Variants in ESR1 observed in about 807,000 individuals in gnomAD.
ESR1 encodes estrogen receptor 1.
In ESR1, 12 loss-of-function variants were observed where a neutral mutation model predicts 52.7. That is an observed-to-expected ratio of 0.23 (90% CI 0.15 to 0.37). ESR1 has a LOEUF of 0.37. Ranked by LOEUF, ESR1 falls within the 10% of genes least tolerant of loss-of-function variation. The pLI, the probability that ESR1 is intolerant of heterozygous loss-of-function variation, is 1.00. For missense variants in ESR1, 584 were observed against 779.7 expected, an observed-to-expected ratio of 0.75 and a Z score of 2.99; for synonymous variants, 305 against 316.8, an observed-to-expected ratio of 0.96 and a Z score of 0.39.
chr6:151,863,220 A>G (rs1789215903), intron 2 of ESR1, among the ~76,000 whole-genome samples: 1 of 152,252 alleles, frequency 6.6e-6, no homozygotes, highest in South Asian at 2.1e-4. Flanking sequence ...TTGAATCTAT[A>G]AATTACCTTG....
intron 2 of ESR1, among the ~76,000 whole-genome samples, chr6:151,783,273 C>T (rs1182556666): frequency 2.0e-5 from 3 of 152,202 alleles, no homozygotes; most frequent in Non-Finnish European, 4.4e-5. Flanking sequence ...GGATCAGCAC[C>T]AGCCCTGTGT....
intron 4 of ESR1, among the ~76,000 whole-genome samples, chr6:151,967,352 A>G (rs1392770911): frequency 2.0e-5 from 3 of 152,070 alleles, no homozygotes; most frequent in Non-Finnish European, 4.4e-5. Context: ...ACCCCTTGAC[A>G]GGTCCCAGTG....
rs11296052 is a variant in ESR1, at chr6:151,831,146, CTT to C, written c.453-11438_453-11437del. Among the ~76,000 whole-genome samples, 51 of 141,684 alleles carry C rather than the reference CTT, an allele frequency of 3.6e-4. 1 individual carries two copies. Among genetic ancestry groups the C allele is most frequent in the East Asian group, 4.1e-4 (2 of 4,880 alleles). 93.0% of individuals were successfully genotyped at this position (141,684 alleles called of 152,430 possible). ...AATTGTAGACAATTTCTTTTCTTTT[CTT>C]TTTTTTTTTTTTGAGACAGGTTCTC... On this transcript the variant is annotated intron_variant, in intron 1 of 7. Transcript: ENST00000206249.
At chr6:152,086,534 AT>A (rs1203018548) in intron 6 of ESR1, among the ~76,000 whole-genome samples, 7 of 151,054 alleles carry the variant, frequency 4.6e-5, no homozygotes, top group Non-Finnish European at 8.8e-5. Context: ...CACATGTAAG[AT>A]TTTTTTCTCA....
At chr6:152,115,736 A>G (rs972846115) in intron 6 of ESR1, among the ~76,000 whole-genome samples, 2 of 152,218 alleles carry the variant, frequency 1.3e-5, no homozygotes, top group African/African-American at 4.8e-5. Context: ...CACAAAACAG[A>G]CTTCACAGAA....
At chr6:151,679,550 A>G (rs1219129098) in intron 1 of ESR1, among the ~76,000 whole-genome samples, 1 of 152,062 alleles carries the variant, frequency 6.6e-6, no homozygotes, top group Non-Finnish European at 1.5e-5. Context: ...GGGTTTCACC[A>G]TGTCGGCCAG....
At position 152,094,445 on chromosome 6, in the gene ESR1, G is replaced by A. The variant is rs570661763; in HGVS notation, c.1430G>A (p.Arg477Gln). 1.3e-5 allele frequency: 21 copies of A among 1,614,018 alleles called. No homozygotes were observed. Among genetic ancestry groups the A allele is most frequent in the African/African-American group, 1.1e-4 (8 of 74,996 alleles). ...CTGGAAGAGAAGGACCATATCCACC[G>A]AGTCCTGGACAAGATCACAGACACT... ...KSLEEKDHIH[R>Q]VLDKITDTLI... Residue 477 changes from arginine (R) to glutamine (Q), a missense_variant, in exon 7 of 8, where the codon CGA (arginine) becomes CAA (glutamine). Physicochemically the swap from Arg to Gln is conservative, Grantham distance 43. This residue lies in a region of ESR1 where 141 missense variants were observed against 289.3 expected (regional missense o/e 0.49). Transcript: ENST00000206249. This position sits in a 1 kb window ranked among gnomAD's most constrained non-coding sequence, Gnocchi z 4.6.
At chr6:151,964,267 G>A (rs941113577) in intron 4 of ESR1, among the ~76,000 whole-genome samples, 1 of 152,076 alleles carries the variant, frequency 6.6e-6, no homozygotes, top group African/African-American at 2.4e-5. Flanking sequence ...GGATAGCATA[G>A]ATTTTTTTTA....
intron 5 of ESR1, among the ~76,000 whole-genome samples, chr6:152,016,706 A>G (rs1247047949): frequency 1.3e-5 from 2 of 152,200 alleles, no homozygotes; most frequent in African/African-American, 2.4e-5. Context: ...GTCCCATCAC[A>G]TTGTACATAG....
chr6:151,765,539 C>T (rs1784982577), intron 2 of ESR1, among the ~76,000 whole-genome samples: 1 of 152,162 alleles, frequency 6.6e-6, no homozygotes, highest in South Asian at 2.1e-4. Flanking sequence ...CATGCTATTG[C>T]TATTTTTTTT....
chr6:151,899,970 C>T (rs977241038), intron 3 of ESR1, among the ~76,000 whole-genome samples: 12 of 152,128 alleles, frequency 7.9e-5, no homozygotes, highest in South Asian at 2.1e-4. Context: ...CAGGCAGAGA[C>T]GCTCCTCACT....
chr6:151,760,869 G>A (rs1784609751), intron 2 of ESR1, among the ~76,000 whole-genome samples: 1 of 152,148 alleles, frequency 6.6e-6, no homozygotes, highest in Non-Finnish European at 1.5e-5. Flanking sequence ...ATAATGGATC[G>A]ATTAAAGTTT....
At chr6:151,795,998 A>AC (rs1004556212) in intron 2 of ESR1, among the ~76,000 whole-genome samples, 39 of 151,748 alleles carry the variant, frequency 2.6e-4, no homozygotes, top group Non-Finnish European at 4.3e-4. Context: ...AATACCAAAA[A>AC]AAAAAAACCA....
At chr6:152,082,385 A>C in intron 6 of ESR1, among the ~76,000 whole-genome samples, 1 of 152,250 alleles carries the variant, frequency 6.6e-6, no homozygotes, top group Non-Finnish European at 1.5e-5. Flanking sequence ...CAATAGATGC[A>C]GAAAAGGCCT....
At chr6:151,764,073 T>A (rs1326249666) in intron 2 of ESR1, among the ~76,000 whole-genome samples, 1 of 152,086 alleles carries the variant, frequency 6.6e-6, no homozygotes, top group Non-Finnish European at 1.5e-5. Flanking sequence ...CTCTCCTGTC[T>A]CTGGCTTTGC....
At chr6:151,892,245 A>G in intron 3 of ESR1, among the ~76,000 whole-genome samples, 1 of 152,214 alleles carries the variant, frequency 6.6e-6, no homozygotes, top group Non-Finnish European at 1.5e-5. Flanking sequence ...ATCTAAGTTC[A>G]GATTAACAAT....
chr6:152,080,401 C>T (rs1001686303), intron 6 of ESR1, among the ~76,000 whole-genome samples: 6 of 152,112 alleles, frequency 3.9e-5, no homozygotes, highest in South Asian at 2.1e-4. Flanking sequence ...TCCAGCCAAA[C>T]TAAGCTTCAT....
rs531195513 is a variant in ESR1 at position 151,914,291 on chromosome 6, A to G, written c.761-29882A>G. On this transcript the variant is annotated intron_variant, in intron 3 of 7. Transcript: ENST00000206249. Reference sequence around the variant, plus strand: ...AAGGCTTCGGTCTTATTTTGACTTTATCATCTTTATATTGCCATATTTAAA... The same window carrying G: ...AAGGCTTCGGTCTTATTTTGACTTTGTCATCTTTATATTGCCATATTTAAA... Among the ~76,000 whole-genome samples the G allele has an allele frequency of 3.3e-5, 5 of 151,760 alleles. No individual in the cohort carries two copies. In the East Asian group the frequency reaches 9.7e-4, roughly 29 times the overall value.
At chr6:152,000,796 T>C (rs1379181994) in intron 4 of ESR1, among the ~76,000 whole-genome samples, 1 of 152,052 alleles carries the variant, frequency 6.6e-6, no homozygotes, top group East Asian at 1.9e-4. Context: ...TTTTTGGTCT[T>C]TTTTAGTAAC....
Sources: allele counts gnomAD v4.1 joint callset (sites outside exome capture counted in the v4.1 genomes callset), GRCh38; gene constraint gnomAD v4.1.1; regional missense constraint gnomAD v4.1.1; non-coding constraint Gnocchi (gnomAD v3.1); transcripts MANE v1.5; gene names NCBI Gene and HGNC (gene_info 2026-07-23, HGNC 2026-07-21).